The following NRG1 variants were observed in gnomAD, a reference collection of about 807,000 sequenced individuals.
The protein encoded by NRG1 is neuregulin 1.
In NRG1, 18 loss-of-function variants were observed where a neutral mutation model predicts 63.8. That is an observed-to-expected ratio of 0.28 (90% CI 0.19 to 0.42). NRG1 has a LOEUF of 0.42. Among genes scored for constraint, NRG1 ranks in the 10% least tolerant of loss-of-function variants. NRG1 has a pLI of 1.00. For synonymous variants in NRG1, 302 were observed against 301.3 expected (o/e 1.00, Z -0.02); for missense variants, 762 against 814.7 (o/e 0.94, Z 0.79).
intron 5 of NRG1, chr8:32,722,023 A>G (rs1385328870): frequency 6.5e-7 from 1 of 1,548,598 alleles, no homozygotes; most frequent in South Asian, 1.2e-5. Flanking sequence ...CTAAACACAT[A>G]AGCATTGAAG....
At chr8:32,370,572 T>C (rs5006809) in intron 1 of NRG1, among the ~76,000 whole-genome samples, 85,094 of 151,818 alleles carry the variant, frequency 0.56, 24,325 homozygotes, top group Middle Eastern at 0.61. Flanking sequence ...AAAGCTGTCT[T>C]ACGAGCCAGG....
At chr8:32,442,236 C>T (rs894268659) in intron 1 of NRG1, among the ~76,000 whole-genome samples, 2 of 152,154 alleles carry the variant, frequency 1.3e-5, no homozygotes, top group Non-Finnish European at 2.9e-5. Context: ...CTTTTCTCCA[C>T]CTAAACACTG....
chr8:32,616,936 C>A, intron 5 of NRG1, 51 bp downstream of exon 5: 1 of 1,332,702 alleles, frequency 7.5e-7, no homozygotes, highest in Non-Finnish European at 1.1e-6. Context: ...AAGGCACTAT[C>A]TGCTTTGGAA....
Position 32,536,780 on chromosome 8 carries a change from C to T in NRG1, c.38-59048C>T, listed in dbSNP as rs184343112. On this transcript the variant is annotated intron_variant, in intron 1 of 10. Transcript: ENST00000519301. Reference sequence around the variant, plus strand: ...TACTAAAAAAATACAAAAAATTAGCCGGGTGTGGTGGTGGGTGCCTGTAGT... The same window carrying T: ...TACTAAAAAAATACAAAAAATTAGCTGGGTGTGGTGGTGGGTGCCTGTAGT... 5.1e-3 allele frequency among the ~76,000 whole-genome samples: 767 copies of T among 151,612 alleles called. 4 individuals carry two copies. The highest frequency in any genetic ancestry group is 6.7e-3 in the Non-Finnish European group (456 of 67,894).
intron 3 of NRG1, among the ~76,000 whole-genome samples, chr8:32,612,051 C>A (rs1846457150): frequency 6.6e-6 from 1 of 152,032 alleles, no homozygotes; most frequent in African/African-American, 2.4e-5. Context: ...CTTGCCTGTT[C>A]AGCATAAGTT....
intron 1 of NRG1, among the ~76,000 whole-genome samples, chr8:32,110,745 T>A (rs1161153625): frequency 6.6e-6 from 1 of 152,132 alleles, no homozygotes; most frequent in Non-Finnish European, 1.5e-5. Context: ...GGATCGCCAG[T>A]CATGGTACTC....
At chr8:32,024,689 A>G (rs933905022) in intron 1 of NRG1, among the ~76,000 whole-genome samples, 1 of 152,244 alleles carries the variant, frequency 6.6e-6, no homozygotes, top group African/African-American at 2.4e-5. Context: ...TGAAATCAAG[A>G]AAGAACTGAA....
chr8:32,196,003 T>A (rs936924715), intron 1 of NRG1, among the ~76,000 whole-genome samples: 1 of 152,174 alleles, frequency 6.6e-6, no homozygotes. Flanking sequence ...AAATGTAAAG[T>A]ACAGGCACTA....
chr8:32,341,094 C>T (rs554056826), intron 1 of NRG1, among the ~76,000 whole-genome samples: 2 of 152,290 alleles, frequency 1.3e-5, no homozygotes, highest in African/African-American at 4.8e-5. Flanking sequence ...AGTGTGTCTA[C>T]ATCTTTTTCC....
intron 1 of NRG1, among the ~76,000 whole-genome samples, chr8:31,766,458 A>C (rs1419203056): frequency 6.6e-6 from 1 of 152,170 alleles, no homozygotes; most frequent in Non-Finnish European, 1.5e-5. Context: ...AAATGTTCCT[A>C]TGGGAAGCTG....
intron 1 of NRG1, among the ~76,000 whole-genome samples, chr8:31,654,463 A>G (rs1251865536): frequency 1.3e-5 from 2 of 152,230 alleles, no homozygotes; most frequent in Non-Finnish European, 2.9e-5. Context: ...AATTATGTGT[A>G]AAGTGTAAAG....
chr8:32,618,111 TTTGTGCTA>T (rs2129542078), intron 5 of NRG1, among the ~76,000 whole-genome samples: 1 of 152,258 alleles, frequency 6.6e-6, no homozygotes, highest in Admixed American at 6.5e-5. Context: ...TGCCGGGGAA[TTTGTGCTA>T]TTTGTTTTTT....
chr8:31,818,678 C>T (rs1452183250), intron 1 of NRG1, among the ~76,000 whole-genome samples: 1 of 152,190 alleles, frequency 6.6e-6, no homozygotes, highest in Non-Finnish European at 1.5e-5. Flanking sequence ...TGCTGCTCAC[C>T]TCCTGCTGTG....
At chr8:31,893,580 A>C (rs568394382) in intron 1 of NRG1, among the ~76,000 whole-genome samples, 17 of 151,668 alleles carry the variant, frequency 1.1e-4, no homozygotes, top group Non-Finnish European at 2.5e-4. Flanking sequence ...ATAATAAAAA[A>C]ATCATAAGAG....
At chr8:32,410,235 C>T (rs1210605250) in intron 1 of NRG1, among the ~76,000 whole-genome samples, 2 of 130,802 alleles carry the variant, frequency 1.5e-5, no homozygotes, top group African/African-American at 5.9e-5. Context: ...GACTGGAGTG[C>T]AGTGGCATCA....
At chr8:32,357,825 T>C (rs1191962556) in intron 1 of NRG1, among the ~76,000 whole-genome samples, 1 of 152,160 alleles carries the variant, frequency 6.6e-6, no homozygotes, top group African/African-American at 2.4e-5. Flanking sequence ...TTCAATCTAG[T>C]GGGGGATTCA....
intron 1 of NRG1, among the ~76,000 whole-genome samples, chr8:32,046,015 C>T (rs939146268): frequency 6.6e-6 from 1 of 151,910 alleles, no homozygotes; most frequent in African/African-American, 2.4e-5. Context: ...AAGCTATAGA[C>T]AGAAATAAAA....
intron 1 of NRG1, among the ~76,000 whole-genome samples, chr8:31,738,953 A>G (rs1339422814): frequency 1.3e-5 from 2 of 152,068 alleles, no homozygotes; most frequent in African/African-American, 4.8e-5. Flanking sequence ...ATAAGGTCAC[A>G]TTCTGAGGCA....
intron 1 of NRG1, among the ~76,000 whole-genome samples, chr8:32,187,142 A>G (rs911069891): frequency 1.3e-5 from 2 of 152,218 alleles, no homozygotes; most frequent in East Asian, 1.9e-4. Flanking sequence ...TAAAGTGGCA[A>G]TGGAATTGGG....
Sources: allele counts gnomAD v4.1 joint callset (sites outside exome capture counted in the v4.1 genomes callset), GRCh38; gene constraint gnomAD v4.1.1; transcripts MANE v1.5; gene names NCBI Gene and HGNC (gene_info 2026-07-23, HGNC 2026-07-21).